ANXA7: variants seen among roughly 807,000 people sequenced by gnomAD.
ANXA7 encodes the protein annexin A7, also known as annexin VII.
ANXA7 carries 55 observed loss-of-function variants against 64.9 expected under a neutral mutation model. The ratio of observed to expected loss-of-function variants is 0.85; its 90% CI spans 0.68 to 1.06. The LOEUF (loss-of-function observed/expected upper bound fraction) is 1.06. Among genes scored for constraint, ANXA7 ranks in the 50% least tolerant of loss-of-function variants. The pLI, the probability that ANXA7 is intolerant of heterozygous loss-of-function variation, is 0.00. For synonymous variants in ANXA7, 200 were observed against 192.4 expected (o/e 1.04, Z -0.33); for missense variants, 548 against 582.1 (o/e 0.94, Z 0.60).
At chr10:73,378,667 G>T (rs891254241) in intron 12 of ANXA7, among the ~76,000 whole-genome samples, 1 of 152,058 alleles carries the variant, frequency 6.6e-6, no homozygotes, top group Non-Finnish European at 1.5e-5. Flanking sequence ...CTCCATTGAC[G>T]TTCTCAAGTT....
chr10:73,382,078 T>G (rs1340701449), intron 9 of ANXA7, among the ~76,000 whole-genome samples: 1 of 152,134 alleles, frequency 6.6e-6, no homozygotes, highest in Non-Finnish European at 1.5e-5. Context: ...TTCACCATGT[T>G]GGTCAGGCTG....
At chr10:73,377,091 T>C (rs1224803236) in intron 12 of ANXA7, among the ~76,000 whole-genome samples, 2 of 152,188 alleles carry the variant, frequency 1.3e-5, no homozygotes, top group Non-Finnish European at 2.9e-5. Flanking sequence ...TGAATGGTAA[T>C]GATGGTTGCA....
At chr10:73,399,338 G>A (rs1258277729) in intron 2 of ANXA7, among the ~76,000 whole-genome samples, 1 of 152,224 alleles carries the variant, frequency 6.6e-6, no homozygotes, top group Admixed American at 6.5e-5. Flanking sequence ...TACACTGACT[G>A]AAATAGTTAC....
intron 5 of ANXA7, among the ~76,000 whole-genome samples, chr10:73,395,325 A>T (rs1385232293): frequency 6.6e-6 from 1 of 152,222 alleles, no homozygotes; most frequent in Non-Finnish European, 1.5e-5. Context: ...CCCCAGCCTA[A>T]AACAAGCTTG....
intron 5 of ANXA7, among the ~76,000 whole-genome samples, chr10:73,391,007 T>C (rs1414048241): frequency 1.4e-5 from 2 of 148,064 alleles, no homozygotes; most frequent in African/African-American, 2.5e-5. Context: ...CTGTCTCTAC[T>C]ACAAATACAA....
intron 1 of ANXA7, among the ~76,000 whole-genome samples, chr10:73,409,956 A>G (rs1298083112): frequency 6.6e-6 from 1 of 152,206 alleles, no homozygotes; most frequent in Non-Finnish European, 1.5e-5. Flanking sequence ...AAAACTGGCA[A>G]GCCACATGAA....
intron 5 of ANXA7, among the ~76,000 whole-genome samples, chr10:73,389,250 T>A (rs1314523041): frequency 1.3e-5 from 2 of 152,178 alleles, no homozygotes; most frequent in Non-Finnish European, 2.9e-5. Context: ...ATAAAATAAC[T>A]GACAGTGTTC....
At chr10:73,395,027 T>C (rs1229269599) in intron 5 of ANXA7, among the ~76,000 whole-genome samples, 2 of 152,242 alleles carry the variant, frequency 1.3e-5, no homozygotes, top group African/African-American at 2.4e-5. Flanking sequence ...GTTTATAATA[T>C]GATTGGCAAA....
chr10:73,408,009 G>T (rs761230570), intron 1 of ANXA7, among the ~76,000 whole-genome samples: 25 of 152,142 alleles, frequency 1.6e-4, no homozygotes, highest in Admixed American at 1.3e-4. Context: ...GTAAAGGAGG[G>T]GCAAAAGCTC....
chr10:73,394,994 T>A (rs2055547338), intron 5 of ANXA7, among the ~76,000 whole-genome samples: 1 of 152,274 alleles, frequency 6.6e-6, no homozygotes, highest in African/African-American at 2.4e-5. Flanking sequence ...AAATCAAAAT[T>A]TTCATAACAA....
intron 12 of ANXA7, among the ~76,000 whole-genome samples, chr10:73,377,782 G>A (rs1364026749): frequency 6.7e-6 from 1 of 149,136 alleles, no homozygotes; most frequent in Non-Finnish European, 1.5e-5. Flanking sequence ...GGGTGTGTGT[G>A]TGTGTGTGTG....
At chr10:73,384,179 C>T (rs2055325275) in intron 7 of ANXA7, among the ~76,000 whole-genome samples, 1 of 151,858 alleles carries the variant, frequency 6.6e-6, no homozygotes, top group African/African-American at 2.4e-5. Context: ...AAGTCTGTTA[C>T]ACTTACACAT....
chr10:73,399,714 A>G (rs1227857855), intron 2 of ANXA7, among the ~76,000 whole-genome samples: 1 of 152,100 alleles, frequency 6.6e-6, no homozygotes, highest in Non-Finnish European at 1.5e-5. Flanking sequence ...CCAGCTACTC[A>G]GGAGGCTGAG....
chr10:73,384,847 A>T (rs1351603522), intron 7 of ANXA7, among the ~76,000 whole-genome samples: 1 of 152,216 alleles, frequency 6.6e-6, no homozygotes, highest in Non-Finnish European at 1.5e-5. Context: ...GAGCTCAGAG[A>T]AAAATGTAAA....
intron 5 of ANXA7, chr10:73,395,741 G>T (rs554313287): frequency 6.8e-6 from 3 of 440,740 alleles, no homozygotes; most frequent in Non-Finnish European, 8.5e-6. Context: ...AGCCGAGGTC[G>T]TGCCACTGCA....
rs1241016622 is a variant in ANXA7, at chr10:73,387,524, C to CAAAACAAAACAAAACAAA, written c.633+164_633+165insTTTGTTTTGTTTTGTTTT. Among the ~76,000 whole-genome samples, 7 of 152,042 alleles carry CAAAACAAAACAAAACAAA rather than the reference C, an allele frequency of 4.6e-5. No homozygotes were observed. The South Asian group carries it at 1.5e-3, about 32-fold the overall frequency. On this transcript the variant is annotated intron_variant, in intron 7 of 12. Transcript: ENST00000372921. The stretch of plus-strand genomic sequence containing the variant: ...TGCGAGACTTCATCTCAAAACAAAA[C>CAAAACAAAACAAAACAAA]AAAACAAAAAACAGAAATAGGGAAT...
intron 1 of ANXA7, among the ~76,000 whole-genome samples, chr10:73,413,374 C>T (rs1397491893): frequency 6.6e-6 from 1 of 152,218 alleles, no homozygotes; most frequent in East Asian, 1.9e-4. Flanking sequence ...ATGTCTGTCA[C>T]TTTACGGTGG....
intron 5 of ANXA7, among the ~76,000 whole-genome samples, chr10:73,390,187 A>T (rs1337101764): frequency 3.3e-5 from 5 of 152,204 alleles, no homozygotes; most frequent in Non-Finnish European, 4.4e-5. Flanking sequence ...AAAATAAAAG[A>T]TGATTCAATG....
At chr10:73,387,339 ACTCTGT>A (rs2055391190) in intron 7 of ANXA7, among the ~76,000 whole-genome samples, 1 of 151,948 alleles carries the variant, frequency 6.6e-6, no homozygotes, top group Non-Finnish European at 1.5e-5. Context: ...ACATGGTGAA[ACTCTGT>A]CTCTACTAAA....
Sources: gnomAD v4.1 joint callset for allele counts (sites outside exome capture counted in the v4.1 genomes callset) on GRCh38, gnomAD v4.1.1 for gene constraint, MANE v1.5 for transcripts, NCBI Gene and HGNC (gene_info 2026-07-23, HGNC 2026-07-21) for gene names.